Variants in NR3C2 observed in about 807,000 individuals in gnomAD.
The protein encoded by NR3C2 is mineralocorticoid receptor.
NR3C2 carries 15 observed loss-of-function variants against 86.4 expected under a neutral mutation model. The ratio of observed to expected loss-of-function variants is 0.17; its 90% CI spans 0.12 to 0.27. NR3C2 has a LOEUF of 0.27. Among genes scored for constraint, NR3C2 ranks in the 10% least tolerant of loss-of-function variants. The pLI is 1.00. For missense variants in NR3C2, 960 were observed against 1,195.6 expected, an observed-to-expected ratio of 0.80 and a Z score of 2.91; for synonymous variants, 458 against 450.5, an observed-to-expected ratio of 1.02 and a Z score of -0.21.
intron 8 of NR3C2, among the ~76,000 whole-genome samples, chr4:148,097,618 C>T (rs1314406755): frequency 2.0e-5 from 3 of 152,152 alleles, no homozygotes; most frequent in Non-Finnish European, 4.4e-5. Context: ...GTTTAAGGAT[C>T]GCTTAAGACA....
chr4:148,405,158 C>T (rs187977226), intron 2 of NR3C2, among the ~76,000 whole-genome samples: 2 of 152,224 alleles, frequency 1.3e-5, no homozygotes, highest in Admixed American at 1.3e-4. Context: ...GGAAATAGAT[C>T]ATAACAATGA....
intron 3 of NR3C2, among the ~76,000 whole-genome samples, chr4:148,225,824 T>G (rs970323116): frequency 2.0e-5 from 3 of 152,122 alleles, no homozygotes; most frequent in Non-Finnish European, 4.4e-5. Context: ...ATAATCCTAA[T>G]GTTTTCACAC....
intron 2 of NR3C2, among the ~76,000 whole-genome samples, chr4:148,317,996 G>C (rs1235028908): frequency 6.7e-6 from 1 of 149,006 alleles, no homozygotes. Context: ...TCTAGCATTA[G>C]GTATATCTCC....
intron 2 of NR3C2, among the ~76,000 whole-genome samples, chr4:148,379,561 AAGGAACC>A (rs1248136069): frequency 6.6e-6 from 1 of 152,340 alleles, no homozygotes. Context: ...AAAGGGGTCT[AAGGAACC>A]ATTGATTTGT....
intron 4 of NR3C2, among the ~76,000 whole-genome samples, chr4:148,191,679 T>C (rs983687802): frequency 1.3e-5 from 2 of 152,228 alleles, no homozygotes; most frequent in African/African-American, 2.4e-5. Context: ...TGTTCATATT[T>C]TCTTATTCTT....
chr4:148,252,309 G>A (rs576976711), intron 3 of NR3C2, among the ~76,000 whole-genome samples: 168 of 152,282 alleles, frequency 1.1e-3, no homozygotes, highest in African/African-American at 3.7e-3. Flanking sequence ...TGTTGAGGGA[G>A]TTTAGATTCA....
At chr4:148,320,809 T>C (rs1344797663) in intron 2 of NR3C2, among the ~76,000 whole-genome samples, 2 of 150,882 alleles carry the variant, frequency 1.3e-5, no homozygotes, top group Non-Finnish European at 2.9e-5. Context: ...TCAATCTTGT[T>C]GATCCTTTCA....
chr4:148,178,626 G>A (rs960174959), intron 4 of NR3C2, among the ~76,000 whole-genome samples: 1 of 151,248 alleles, frequency 6.6e-6, no homozygotes, highest in African/African-American at 2.4e-5. Flanking sequence ...AGGTTCTCCC[G>A]CTTTCTACCA....
intron 2 of NR3C2, among the ~76,000 whole-genome samples, chr4:148,290,336 C>T (rs1741738237): frequency 6.6e-6 from 1 of 152,086 alleles, no homozygotes; most frequent in Admixed American, 6.5e-5. Context: ...GAGTTAGGAC[C>T]ACAACATACA....
chr4:148,136,846 G>T (rs936737268), intron 6 of NR3C2, among the ~76,000 whole-genome samples: 3 of 152,094 alleles, frequency 2.0e-5, no homozygotes, highest in African/African-American at 7.2e-5. Context: ...TCTTCACCTT[G>T]TTGGGCCACC....
chr4:148,340,702 G>T (rs1561051950), intron 2 of NR3C2, among the ~76,000 whole-genome samples: 2 of 151,766 alleles, frequency 1.3e-5, no homozygotes, highest in Non-Finnish European at 2.9e-5. Context: ...CCACATAAAG[G>T]GTTTTTTGCA....
chr4:148,085,200 C>A (rs1230136336), intron 8 of NR3C2, among the ~76,000 whole-genome samples: 2 of 152,182 alleles, frequency 1.3e-5, no homozygotes, highest in Non-Finnish European at 2.9e-5. Context: ...AACATACATT[C>A]TTCTCAGCAC....
intron 3 of NR3C2, among the ~76,000 whole-genome samples, chr4:148,240,009 G>T (rs957493976): frequency 6.6e-6 from 1 of 151,872 alleles, no homozygotes; most frequent in Admixed American, 6.6e-5. Context: ...GCGTGTGTGG[G>T]GGGCCAGAGG....
intron 3 of NR3C2, among the ~76,000 whole-genome samples, chr4:148,247,226 T>C (rs1283588306): frequency 6.6e-6 from 1 of 152,198 alleles, no homozygotes; most frequent in Non-Finnish European, 1.5e-5. Context: ...ACTTTAAAAA[T>C]GCAATAATTT....
At chr4:148,196,292 T>G (rs984786029) in intron 3 of NR3C2, among the ~76,000 whole-genome samples, 5 of 152,210 alleles carry the variant, frequency 3.3e-5, no homozygotes, top group Non-Finnish European at 5.9e-5. Flanking sequence ...TTATGAGGAA[T>G]GACCCCAGCT....
At chr4:148,377,172 G>A (rs1411502941) in intron 2 of NR3C2, among the ~76,000 whole-genome samples, 3 of 152,276 alleles carry the variant, frequency 2.0e-5, no homozygotes, top group East Asian at 1.9e-4. Flanking sequence ...GATAGTGATT[G>A]TTGCTAAAGA....
At chr4:148,387,702 G>C (rs1036870338) in intron 2 of NR3C2, among the ~76,000 whole-genome samples, 2 of 152,174 alleles carry the variant, frequency 1.3e-5, no homozygotes, top group Non-Finnish European at 2.9e-5. Flanking sequence ...GTTAAAAATG[G>C]TTGTATCCTG....
At chr4:148,371,740 A>T (rs1018138645) in intron 2 of NR3C2, among the ~76,000 whole-genome samples, 8 of 152,192 alleles carry the variant, frequency 5.3e-5, no homozygotes, top group Admixed American at 1.3e-4. Flanking sequence ...CTTAATCCTC[A>T]CTAACCTGAG....
In NR3C2 at chr4:148,380,280, C is replaced by T. The variant is rs966636839; in HGVS notation, c.1757+54824G>A. ...TTTTCAAGGTTTATCCATGTTGTAG[C>T]ATGTATCAGTACTTCATCCACTTTT... On this transcript the variant is annotated intron_variant, in intron 2 of 8. Coordinates refer to ENST00000358102, the MANE Select transcript of NR3C2 (RefSeq NM_000901.5). Among the ~76,000 whole-genome samples, 4 of 152,168 alleles carry T rather than the reference C, an allele frequency of 2.6e-5. No individual in the cohort carries two copies. In the South Asian group the frequency reaches 8.3e-4, roughly 32 times the overall value.
Sources: allele counts gnomAD v4.1 joint callset (sites outside exome capture counted in the v4.1 genomes callset), GRCh38; gene constraint gnomAD v4.1.1; transcripts MANE v1.5; gene names NCBI Gene and HGNC (gene_info 2026-07-23, HGNC 2026-07-21).